CRISPLD2: variants seen among roughly 807,000 people sequenced by gnomAD.
The protein encoded by CRISPLD2 is cysteine-rich secretory protein LCCL domain-containing 2.
Under a neutral mutation model 71.1 loss-of-function variants are expected in CRISPLD2, and 47 were observed. That is an observed-to-expected ratio of 0.66 (90% CI 0.52 to 0.84). CRISPLD2 has a LOEUF of 0.84. Ranked by LOEUF, CRISPLD2 falls within the 40% of genes least tolerant of loss-of-function variation. The probability of loss-of-function intolerance (pLI) is 0.00; values close to 1 mark genes in which losing one functional copy is unlikely to be tolerated. For synonymous variants in CRISPLD2, 317 were observed against 250.1 expected, an observed-to-expected ratio of 1.27 and a Z score of -2.52; for missense variants, 830 against 651.1, an observed-to-expected ratio of 1.27 and a Z score of -2.99.
At chr16:84,899,165 C>G (rs1166460024) in intron 14 of CRISPLD2, among the ~76,000 whole-genome samples, 4 of 152,196 alleles carry the variant, frequency 2.6e-5, no homozygotes, top group African/African-American at 9.7e-5. Flanking sequence ...GCTGAGACTA[C>G]AGGTGTGAGC....
At chr16:84,861,791 G>A (rs1917389200) in intron 6 of CRISPLD2, among the ~76,000 whole-genome samples, 2 of 152,168 alleles carry the variant, frequency 1.3e-5, no homozygotes, top group African/African-American at 2.4e-5. Context: ...ACCAGGTGTG[G>A]TCACGTGCAC....
Position 84,903,736 on chromosome 16 carries a change from G to A in CRISPLD2, c.1440-2852G>A, listed in dbSNP as rs555703091. 5.9e-5 allele frequency among the ~76,000 whole-genome samples: 9 copies of A among 152,336 alleles called. No individual in the cohort carries two copies. In the South Asian group the frequency reaches 1.7e-3, roughly 28 times the overall value. The stretch of plus-strand genomic sequence containing the variant: ...GCAGAATGCCAAAGCAGGATGCATG[G>A]GAAATCTTATTCCCAAAAGCAGTGT... On this transcript the variant is annotated intron_variant, in intron 14 of 14. Transcript: ENST00000262424.
chr16:84,853,288 G>C (rs992147237), intron 5 of CRISPLD2, among the ~76,000 whole-genome samples: 2 of 152,216 alleles, frequency 1.3e-5, no homozygotes, highest in African/African-American at 4.8e-5. Context: ...CCCAGAGACA[G>C]GATGGGCTCT....
chr16:84,880,693 A>AAATTAATTAATTAATT (rs35870995), intron 13 of CRISPLD2, 109 bp downstream of exon 13: 2 of 593,668 alleles, frequency 3.4e-6, no homozygotes, highest in Non-Finnish European at 5.9e-6. Flanking sequence ...CCTCTTAGCT[A>AAATTAATTAATTAATT]AATTAATTAA....
chr16:84,869,481 G>T (rs1219187893), intron 8 of CRISPLD2, among the ~76,000 whole-genome samples: 1 of 152,176 alleles, frequency 6.6e-6, no homozygotes, highest in African/African-American at 2.4e-5. Flanking sequence ...GTTTTATATC[G>T]CAAGGGTTTG....
At position 84,907,813 on chromosome 16, in the gene CRISPLD2, G is replaced by A. The variant is rs2071817956; in HGVS notation, c.*1171G>A. ...ATACACTAGAAGGATCTCTTTTCCTGTTTTCGTGAAACGACTCTTGCCAAA... is the reference window on the plus strand; with the variant it reads ...ATACACTAGAAGGATCTCTTTTCCTATTTTCGTGAAACGACTCTTGCCAAA... On this transcript the variant is annotated 3_prime_UTR_variant, in exon 15 of 15. Transcript: ENST00000262424. 1 of 152,080 alleles carries A rather than the reference G, an allele frequency of 6.6e-6. No homozygotes were observed. Among genetic ancestry groups the A allele is most frequent in the South Asian group, 2.1e-4 (1 of 4,822 alleles). 9.4% of individuals were successfully genotyped at this position (152,080 alleles called of 1,614,324 possible).
chr16:84,840,067 A>G (rs950987760), intron 2 of CRISPLD2: 2 of 152,014 alleles, frequency 1.3e-5, no homozygotes, highest in African/African-American at 4.9e-5. Flanking sequence ...AGTCTTTGCC[A>G]CTTTGTGGGT....
intron 6 of CRISPLD2, 144 bp from the exon 7 acceptor site, chr16:84,866,753 G>A: frequency 2.6e-6 from 2 of 775,158 alleles, no homozygotes; most frequent in Non-Finnish European, 4.1e-6. Context: ...GTTCTGAAAT[G>A]TAACTTTCTC....
chr16:84,847,230 A>G (rs1916938512), intron 3 of CRISPLD2, among the ~76,000 whole-genome samples: 1 of 152,028 alleles, frequency 6.6e-6, no homozygotes, highest in Admixed American at 6.5e-5. Flanking sequence ...GGGCAGCCGC[A>G]CCTTCCTCTG....
chr16:84,863,489 C>T (rs1054756582), intron 6 of CRISPLD2, among the ~76,000 whole-genome samples: 1 of 152,170 alleles, frequency 6.6e-6, no homozygotes, highest in African/African-American at 2.4e-5. Context: ...GGTATTCTCC[C>T]CTCTCACCCC....
intron 1 of CRISPLD2, among the ~76,000 whole-genome samples, chr16:84,835,529 C>A (rs1027834325): frequency 6.6e-6 from 1 of 152,216 alleles, no homozygotes; most frequent in Non-Finnish European, 1.5e-5. Flanking sequence ...AAGTCAAACC[C>A]AACCACTTTC....
chr16:84,826,406 G>A (rs938357197), intron 1 of CRISPLD2, among the ~76,000 whole-genome samples: 14 of 152,228 alleles, frequency 9.2e-5, no homozygotes, highest in African/African-American at 3.1e-4. Flanking sequence ...GAGGATGCTG[G>A]CACCCTCCTT....
chr16:84,905,098 TAGTG>T (rs983157774), intron 14 of CRISPLD2, among the ~76,000 whole-genome samples: 3 of 152,030 alleles, frequency 2.0e-5, no homozygotes, highest in Non-Finnish European at 4.4e-5. Context: ...CTGGGCAACA[TAGTG>T]AGACTCCATC....
intron 1 of CRISPLD2, among the ~76,000 whole-genome samples, chr16:84,821,957 G>T (rs995560182): frequency 8.5e-5 from 13 of 152,236 alleles, no homozygotes; most frequent in African/African-American, 3.1e-4. Flanking sequence ...GCGGGGTAGA[G>T]CTGCCGTCCA....
intron 14 of CRISPLD2, among the ~76,000 whole-genome samples, chr16:84,895,593 C>T (rs1187774071): frequency 2.0e-5 from 3 of 152,134 alleles, no homozygotes; most frequent in Non-Finnish European, 4.4e-5. Flanking sequence ...TAGTCTGAAA[C>T]TTTTCCCCCC....
chr16:84,858,110 G>A (rs1490636819), intron 6 of CRISPLD2, among the ~76,000 whole-genome samples: 1 of 152,128 alleles, frequency 6.6e-6, no homozygotes, highest in Non-Finnish European at 1.5e-5. Context: ...AATCCTAGAG[G>A]CCTCTGCTGT....
chr16:84,888,298 C>A (rs1179718874), intron 13 of CRISPLD2, among the ~76,000 whole-genome samples: 1 of 152,212 alleles, frequency 6.6e-6, no homozygotes, highest in Non-Finnish European at 1.5e-5. Context: ...CTTTGAGAGG[C>A]CAAGGCGGGA....
intron 5 of CRISPLD2, among the ~76,000 whole-genome samples, chr16:84,851,883 A>G (rs571578397): frequency 1.9e-4 from 29 of 152,364 alleles, no homozygotes; most frequent in African/African-American, 7.0e-4. Context: ...AAATATACTC[A>G]TCTGAAGTAT....
At chr16:84,825,570 A>G (rs1916331819) in intron 1 of CRISPLD2, among the ~76,000 whole-genome samples, 1 of 152,094 alleles carries the variant, frequency 6.6e-6, no homozygotes, top group African/African-American at 2.4e-5. Context: ...AGCCTGGCTA[A>G]CATGGCAAAA....
Sources: gnomAD v4.1 joint callset for allele counts (sites outside exome capture counted in the v4.1 genomes callset) on GRCh38, gnomAD v4.1.1 for gene constraint, MANE v1.5 for transcripts, NCBI Gene and HGNC (gene_info 2026-07-23, HGNC 2026-07-21) for gene names.